The following CNTN5 variants were observed in gnomAD, a reference collection of about 807,000 sequenced individuals.
The protein encoded by CNTN5 is contactin 5.
In CNTN5, 77 loss-of-function variants were observed where a neutral mutation model predicts 129.1. The observed-to-expected ratio is 0.60, with a 90% CI of 0.50 to 0.72. CNTN5 has a LOEUF of 0.72. Ranked by LOEUF, CNTN5 falls within the 30% of genes least tolerant of loss-of-function variation. The pLI is 0.00. For missense variants in CNTN5, 1,478 were observed against 1,328.8 expected (o/e 1.11, Z -1.75); for synonymous variants, 509 against 465.6 (o/e 1.09, Z -1.20).
Position 99,930,515 on chromosome 11 carries a change from C to T in CNTN5, c.673+14366C>T, listed in dbSNP as rs148627564. 7.7e-3 allele frequency among the ~76,000 whole-genome samples: 1,165 copies of T among 152,278 alleles called. 28 individuals are homozygous for T. Among genetic ancestry groups the T allele is most frequent in the African/African-American group, 0.026 (1,086 of 41,560 alleles). On this transcript the variant is annotated intron_variant, in intron 7 of 24. Transcript: ENST00000524871. ...AGGAGACCGCCTGACAATTGCCTGA[C>T]AGTCACCTGACAGTTGCCTGATATT... is the stretch of plus-strand genomic sequence containing the variant.
At chr11:100,034,759 T>C (rs2137634315) in intron 9 of CNTN5, among the ~76,000 whole-genome samples, 1 of 152,322 alleles carries the variant, frequency 6.6e-6, no homozygotes, top group Admixed American at 6.5e-5. Flanking sequence ...TGTGTCTTTC[T>C]TTAAGAAAAA....
chr11:99,741,557 CA>C (rs1296515751), intron 3 of CNTN5, among the ~76,000 whole-genome samples: 22 of 152,074 alleles, frequency 1.4e-4, no homozygotes, highest in African/African-American at 5.3e-4. Context: ...CATCAGTAAG[CA>C]AATGTTCTTA....
intron 21 of CNTN5, among the ~76,000 whole-genome samples, chr11:100,315,038 G>A (rs1266894498): frequency 6.6e-6 from 1 of 152,120 alleles, no homozygotes; most frequent in Non-Finnish European, 1.5e-5. Flanking sequence ...GACTATTTCT[G>A]CTTTCTTGAA....
chr11:100,232,796 C>G (rs1307914779), intron 16 of CNTN5, among the ~76,000 whole-genome samples: 4 of 152,026 alleles, frequency 2.6e-5, no homozygotes, highest in Admixed American at 1.3e-4. Flanking sequence ...GTGCTGTTAC[C>G]CATGTATGAG....
chr11:99,748,907 C>T (rs1205427718), intron 3 of CNTN5, among the ~76,000 whole-genome samples: 5 of 152,092 alleles, frequency 3.3e-5, no homozygotes, highest in African/African-American at 1.2e-4. Context: ...AATATTTTAC[C>T]AGCCATCTGA....
intron 1 of CNTN5, among the ~76,000 whole-genome samples, chr11:99,223,890 A>G (rs1860536667): frequency 6.6e-6 from 1 of 152,212 alleles, no homozygotes. Flanking sequence ...TCAGTTCTCC[A>G]GGTAAATATT....
chr11:99,194,916 G>T (rs17133224), intron 1 of CNTN5, among the ~76,000 whole-genome samples: 32,219 of 152,076 alleles, frequency 0.21, 3,505 homozygotes, highest in Middle Eastern at 0.25. Flanking sequence ...CTGTTGAATT[G>T]TTTTAGATTA....
chr11:99,323,747 A>G (rs1280574547), intron 1 of CNTN5, among the ~76,000 whole-genome samples: 2 of 152,168 alleles, frequency 1.3e-5, no homozygotes, highest in African/African-American at 4.8e-5. Flanking sequence ...TTAAGTAACT[A>G]TCATTCCGCC....
intron 8 of CNTN5, among the ~76,000 whole-genome samples, chr11:99,968,544 G>A (rs537568942): frequency 6.6e-6 from 1 of 151,220 alleles, no homozygotes; most frequent in Non-Finnish European, 1.5e-5. Context: ...TGTCCTCTGT[G>A]ATCCCTGAGA....
At chr11:99,676,116 T>C (rs1953272006) in intron 3 of CNTN5, among the ~76,000 whole-genome samples, 1 of 152,132 alleles carries the variant, frequency 6.6e-6, no homozygotes, top group Non-Finnish European at 1.5e-5. Flanking sequence ...AATAAATAGT[T>C]AATTATTACT....
intron 3 of CNTN5, among the ~76,000 whole-genome samples, chr11:99,583,774 G>A (rs556104786): frequency 3.8e-4 from 58 of 152,212 alleles, no homozygotes; most frequent in African/African-American, 1.3e-3. Flanking sequence ...TGTGCTTCCC[G>A]GGTGAGGGGA....
At chr11:99,819,469 A>G in intron 3 of CNTN5, 75 bp from the exon 4 acceptor site, 3 of 1,333,088 alleles carry the variant, frequency 2.3e-6, no homozygotes, top group Non-Finnish European at 3.1e-6. Context: ...ATGTCTTCAA[A>G]GAAACAATCT....
intron 13 of CNTN5, among the ~76,000 whole-genome samples, chr11:100,140,106 A>T (rs1018468102): frequency 2.0e-5 from 3 of 152,176 alleles, no homozygotes; most frequent in Admixed American, 6.6e-5. Flanking sequence ...AGGGGAAGAG[A>T]TAGAAAGTTT....
chr11:99,312,280 A>G (rs1865146920), intron 1 of CNTN5, among the ~76,000 whole-genome samples: 1 of 152,188 alleles, frequency 6.6e-6, no homozygotes, highest in Non-Finnish European at 1.5e-5. Flanking sequence ...ATAATATGAA[A>G]CACCGGGGTT....
intron 2 of CNTN5, among the ~76,000 whole-genome samples, chr11:99,541,003 A>G (rs1948086531): frequency 6.6e-6 from 1 of 152,040 alleles, no homozygotes; most frequent in Non-Finnish European, 1.5e-5. Flanking sequence ...CAAAAACACT[A>G]CCCTTTAATG....
At chr11:99,985,913 C>G (rs962428424) in intron 8 of CNTN5, among the ~76,000 whole-genome samples, 5 of 152,162 alleles carry the variant, frequency 3.3e-5, no homozygotes, top group Non-Finnish European at 2.9e-5. Context: ...TGAACTTGTA[C>G]TCCATCCCAT....
At chr11:100,318,685 G>C (rs1591510055) in intron 21 of CNTN5, among the ~76,000 whole-genome samples, 1 of 152,102 alleles carries the variant, frequency 6.6e-6, no homozygotes, top group East Asian at 1.9e-4. Flanking sequence ...TGAGGGCTGG[G>C]TTTATACCTT....
At chr11:99,889,327 TGTGTG>T (rs1565642781) in intron 6 of CNTN5, among the ~76,000 whole-genome samples, 858 of 76,280 alleles carry the variant, frequency 0.011, 15 homozygotes, top group Admixed American at 0.024. Flanking sequence ...TGTGTGTGTG[TGTGTG>T]TGTGTGTGTG....
intron 4 of CNTN5, among the ~76,000 whole-genome samples, chr11:99,841,307 T>G (rs1258771014): frequency 6.6e-6 from 1 of 152,154 alleles, no homozygotes; most frequent in African/African-American, 2.4e-5. Flanking sequence ...TTACCAAATC[T>G]TACTTCTCTA....
Sources: allele counts gnomAD v4.1 joint callset (sites outside exome capture counted in the v4.1 genomes callset), GRCh38; gene constraint gnomAD v4.1.1; transcripts MANE v1.5; gene names NCBI Gene and HGNC (gene_info 2026-07-23, HGNC 2026-07-21).